Variants in BRD10 observed in about 807,000 individuals in gnomAD.
BRD10 encodes uncharacterized bromodomain-containing protein 10.
the BRD10 span, among the ~76,000 whole-genome samples, chr9:5,983,122 A>C: frequency 1.3e-5 from 2 of 152,182 alleles, no homozygotes; most frequent in Non-Finnish European, 2.9e-5. Context: ...AATATTAATA[A>C]GGTAGCAATT....
the BRD10 span, among the ~76,000 whole-genome samples, chr9:5,911,542 CTTTTT>C: frequency 7.5e-6 from 1 of 132,958 alleles, no homozygotes; most frequent in African/African-American, 2.8e-5. Context: ...CTTTTCTTTT[CTTTTT>C]TTTTTTTTGA....
chr9:5,907,488 ACATAT>A, the BRD10 span, among the ~76,000 whole-genome samples: 1 of 152,240 alleles, frequency 6.6e-6, no homozygotes, highest in Non-Finnish European at 1.5e-5. Context: ...GTATTATAAT[ACATAT>A]CATATTTCAA....
At chr9:5,940,030 T>C in the BRD10 span, among the ~76,000 whole-genome samples, 5 of 152,344 alleles carry the variant, frequency 3.3e-5, no homozygotes, top group East Asian at 9.6e-4. Context: ...GTACACCCTT[T>C]GGTTAGGTAA....
chr9:5,996,231 G>T, the BRD10 span, among the ~76,000 whole-genome samples: 1 of 151,878 alleles, frequency 6.6e-6, no homozygotes, highest in Non-Finnish European at 1.5e-5. Context: ...ACCTTCCAAA[G>T]CCATTATTCA....
the BRD10 span, among the ~76,000 whole-genome samples, chr9:5,888,887 A>C: frequency 6.6e-6 from 1 of 152,252 alleles, no homozygotes; most frequent in African/African-American, 2.4e-5. Flanking sequence ...TCTACACAAC[A>C]ACAAGGAAGA....
chr9:5,908,814 G>T, the BRD10 span: 1 of 1,061,552 alleles, frequency 9.4e-7, no homozygotes, highest in Non-Finnish European at 1.4e-6. Context: ...TAGGAAAAAT[G>T]CAAGCCATCT....
At chr9:5,982,797 G>C in the BRD10 span, among the ~76,000 whole-genome samples, 3 of 152,180 alleles carry the variant, frequency 2.0e-5, no homozygotes, top group African/African-American at 4.8e-5. Context: ...ACAGAAAGTC[G>C]GGATCAGGGA....
chr9:5,936,238 C>T, the BRD10 span, among the ~76,000 whole-genome samples: 1 of 152,110 alleles, frequency 6.6e-6, no homozygotes, highest in African/African-American at 2.4e-5. Flanking sequence ...CACCTGTAGT[C>T]CCAGCTACTG....
the BRD10 span, among the ~76,000 whole-genome samples, chr9:5,984,297 G>A: frequency 6.6e-6 from 1 of 152,050 alleles, no homozygotes; most frequent in South Asian, 2.1e-4. Context: ...TAAAACACAT[G>A]TAGAAGGAAG....
At chr9:5,947,896 T>C in the BRD10 span, among the ~76,000 whole-genome samples, 1 of 152,166 alleles carries the variant, frequency 6.6e-6, no homozygotes, top group Admixed American at 6.6e-5. Flanking sequence ...CTTCTCATTA[T>C]CTTGCATTTG....
the BRD10 span, among the ~76,000 whole-genome samples, chr9:5,978,642 G>A: frequency 6.6e-6 from 1 of 152,162 alleles, no homozygotes; most frequent in Non-Finnish European, 1.5e-5. Context: ...GGAGCTTATA[G>A]AAGCTCTGTC....
the BRD10 span, chr9:5,910,399 C>T: frequency 6.6e-6 from 1 of 152,174 alleles, no homozygotes; most frequent in African/African-American, 2.4e-5. Flanking sequence ...AATATTTCCC[C>T]ACTCTTCTGA....
At chr9:5,891,904 G>A in the BRD10 span, among the ~76,000 whole-genome samples, 1 of 152,222 alleles carries the variant, frequency 6.6e-6, no homozygotes, top group South Asian at 2.1e-4. Flanking sequence ...TGGGCTGGAA[G>A]ATGTTGTGCT....
At chr9:5,969,456 T>G in the BRD10 span, 2 of 1,425,474 alleles carry the variant, frequency 1.4e-6, no homozygotes, top group South Asian at 1.4e-5. Context: ...TTTAACAAAT[T>G]ATACTATTAT....
the BRD10 span, among the ~76,000 whole-genome samples, chr9:5,885,328 C>T: frequency 1.2e-4 from 19 of 152,240 alleles, no homozygotes; most frequent in African/African-American, 4.6e-4. Context: ...ACTAGCCTTT[C>T]TCAATGAACA....
the BRD10 span, among the ~76,000 whole-genome samples, chr9:6,006,950 T>C: frequency 6.6e-6 from 1 of 152,220 alleles, no homozygotes; most frequent in Non-Finnish European, 1.5e-5. Flanking sequence ...CTGCAAACTA[T>C]ACCCAGCTCT....
the BRD10 span, chr9:5,913,724 A>T: frequency 1.1e-5 from 2 of 185,148 alleles, no homozygotes; most frequent in Non-Finnish European, 2.2e-5. Flanking sequence ...ACTTCTAGGT[A>T]AATCAAAAAG....
the BRD10 span, among the ~76,000 whole-genome samples, chr9:5,899,728 C>T: frequency 6.6e-6 from 1 of 152,128 alleles, no homozygotes; most frequent in Non-Finnish European, 1.5e-5. Flanking sequence ...TTTGCCTCTT[C>T]GACCCCTCCG....
the BRD10 span, chr9:6,007,241 G>A: frequency 6.2e-7 from 1 of 1,613,860 alleles, no homozygotes; most frequent in Non-Finnish European, 8.5e-7. Context: ...TCCAGCTTCT[G>A]GCCCTGTTTG....
Sources: allele counts gnomAD v4.1 joint callset (sites outside exome capture counted in the v4.1 genomes callset), GRCh38; gene constraint gnomAD v4.1.1; transcripts MANE v1.5; gene names NCBI Gene and HGNC (gene_info 2026-07-23, HGNC 2026-07-21).